DLGAP1: variants seen among roughly 807,000 people sequenced by gnomAD.
DLGAP1 encodes DLG associated protein 1.
DLGAP1 carries 11 observed loss-of-function variants against 90.8 expected under a neutral mutation model. The ratio of observed to expected loss-of-function variants is 0.12; its 90% CI spans 0.08 to 0.20. The LOEUF is 0.20. DLGAP1 is among the 10% of genes least tolerant of loss of function. The probability of loss-of-function intolerance (pLI) is 1.00; values close to 1 mark genes in which losing one functional copy is unlikely to be tolerated. For synonymous variants in DLGAP1, 558 were observed against 540.7 expected (o/e 1.03, Z -0.44); for missense variants, 1,050 against 1,333.8 (o/e 0.79, Z 3.31).
At chr18:3,733,420 G>A (rs2062518750) in intron 6 of DLGAP1, among the ~76,000 whole-genome samples, 1 of 152,272 alleles carries the variant, frequency 6.6e-6, no homozygotes, top group East Asian at 1.9e-4. Flanking sequence ...ATGTGGTATA[G>A]TATTCTCTCG....
intron 7 of DLGAP1, among the ~76,000 whole-genome samples, chr18:3,640,715 C>T (rs770814623): frequency 4.6e-5 from 7 of 152,212 alleles, no homozygotes; most frequent in African/African-American, 9.6e-5. Context: ...CGGAGCAACC[C>T]GGCAGTTTCC....
chr18:4,075,529 G>A (rs1449862674), intron 2 of DLGAP1, among the ~76,000 whole-genome samples: 2 of 152,132 alleles, frequency 1.3e-5, no homozygotes. Flanking sequence ...GGAAAAATGT[G>A]GTTGGGTCCC....
intron 5 of DLGAP1, among the ~76,000 whole-genome samples, chr18:3,794,860 C>T (rs760899594): frequency 8.5e-5 from 13 of 152,182 alleles, no homozygotes; most frequent in African/African-American, 2.7e-4. Context: ...AGAAAAAGTG[C>T]GTCACTGGTT....
Position 4,224,661 on chromosome 18 carries a change from G to A in DLGAP1, c.-266-73374C>T, listed in dbSNP as rs2078148115. On this transcript the variant is annotated intron_variant, in intron 1 of 12. Coordinates refer to ENST00000315677, the MANE Select transcript of DLGAP1 (RefSeq NM_004746.4). ...GTGGGAAGAACTGTCTTGTGTTTGG[G>A]TGCCAGCTCAGCCACAGTGGAATAG... 2.0e-5 allele frequency among the ~76,000 whole-genome samples: 3 copies of A among 152,112 alleles called. No homozygotes were observed. In the South Asian group the frequency reaches 6.2e-4, roughly 32 times the overall value.
At chr18:3,594,048 G>A (rs2056430816) in intron 7 of DLGAP1, 1 of 150,470 alleles carries the variant, frequency 6.6e-6, no homozygotes, top group Non-Finnish European at 1.5e-5. Flanking sequence ...TTGATGCCTG[G>A]AAATGATGTC....
At chr18:4,307,215 C>G (rs2080283679) in intron 1 of DLGAP1, among the ~76,000 whole-genome samples, 1 of 152,108 alleles carries the variant, frequency 6.6e-6, no homozygotes. Context: ...CCAACTTAAT[C>G]CAATAGAATT....
chr18:3,746,974 TTGCAGCTGCAC>T (rs1379127852), intron 5 of DLGAP1, among the ~76,000 whole-genome samples: 2 of 152,208 alleles, frequency 1.3e-5, no homozygotes, highest in Non-Finnish European at 2.9e-5. Flanking sequence ...CAACCACTTT[TTGCAGCTGCAC>T]TGAGGGAGAA....
chr18:4,438,957 A>G (rs2083464359), intron 1 of DLGAP1, among the ~76,000 whole-genome samples: 1 of 152,250 alleles, frequency 6.6e-6, no homozygotes. Context: ...GTTATATGCT[A>G]CAAAACACTG....
intron 3 of DLGAP1, among the ~76,000 whole-genome samples, chr18:3,901,030 C>A (rs73940254): frequency 0.028 from 4,249 of 152,048 alleles, 179 homozygotes; most frequent in African/African-American, 0.095. Context: ...AGGACCCTTG[C>A]GCAGCTTGAC....
At chr18:3,573,980 G>A (rs1284424837) in intron 8 of DLGAP1, among the ~76,000 whole-genome samples, 1 of 152,196 alleles carries the variant, frequency 6.6e-6, no homozygotes, top group East Asian at 1.9e-4. Flanking sequence ...GGGATTACAA[G>A]TGTGAGCCAC....
intron 7 of DLGAP1, among the ~76,000 whole-genome samples, chr18:3,657,769 AT>A (rs1378218336): frequency 6.6e-6 from 1 of 151,158 alleles, no homozygotes; most frequent in Non-Finnish European, 1.5e-5. Flanking sequence ...CACCCGGCTA[AT>A]TTTTTTTGTA....
Position 4,455,001 on chromosome 18 carries a change from G to C in DLGAP1, c.-267+5C>G, listed in dbSNP as rs1284631404. 6.6e-6 allele frequency: 1 copy of C among 151,288 alleles called. No individual in the cohort carries two copies. The highest frequency in any genetic ancestry group is 1.5e-5 in the Non-Finnish European group (1 of 67,790). 9.4% of individuals were successfully genotyped at this position (151,288 alleles called of 1,614,324 possible). A position where few individuals can be genotyped will look rare whatever the true frequency, so the allele number is the denominator to read the frequency against. The stretch of plus-strand genomic sequence containing the variant: ...CCCCAGCCCCGCGGCGCAGCCCGGC[G>C]TTACCTGGCCGCGTCCCGCAGTCCG... On this transcript the variant is annotated splice_donor_5th_base_variant and intron_variant, in intron 1 of 12. Transcript: ENST00000315677.
intron 7 of DLGAP1, among the ~76,000 whole-genome samples, chr18:3,601,614 G>A (rs1410196005): frequency 6.6e-6 from 1 of 151,966 alleles, no homozygotes. Flanking sequence ...AGGCCGAGGT[G>A]GGCCAATCGT....
intron 3 of DLGAP1, among the ~76,000 whole-genome samples, chr18:3,891,615 A>G (rs1004275176): frequency 2.0e-5 from 3 of 152,214 alleles, no homozygotes; most frequent in Admixed American, 6.5e-5. Context: ...CTCTGCCTCT[A>G]GGAATCATAA....
At chr18:3,848,926 G>A (rs1400873358) in intron 4 of DLGAP1, among the ~76,000 whole-genome samples, 3 of 152,164 alleles carry the variant, frequency 2.0e-5, no homozygotes, top group Non-Finnish European at 4.4e-5. Flanking sequence ...CCCAACACTA[G>A]CAAGGATATA....
intron 5 of DLGAP1, among the ~76,000 whole-genome samples, chr18:3,773,785 T>C (rs557108285): frequency 3.3e-5 from 5 of 152,342 alleles, no homozygotes; most frequent in African/African-American, 1.2e-4. Context: ...GAAAGACTGG[T>C]GCTACATTAA....
intron 3 of DLGAP1, among the ~76,000 whole-genome samples, chr18:3,907,516 G>C (rs1429048772): frequency 6.6e-6 from 1 of 152,170 alleles, no homozygotes; most frequent in Non-Finnish European, 1.5e-5. Flanking sequence ...GCCTGTAATA[G>C]AAACCTCCAG....
At chr18:4,085,636 C>T (rs2075671490) in intron 2 of DLGAP1, among the ~76,000 whole-genome samples, 1 of 152,196 alleles carries the variant, frequency 6.6e-6, no homozygotes, top group South Asian at 2.1e-4. Flanking sequence ...GTCTGTGTTC[C>T]TTTGATGCAG....
intron 4 of DLGAP1, among the ~76,000 whole-genome samples, chr18:3,814,583 A>AAT (rs533333747): frequency 1.2e-3 from 189 of 152,004 alleles, no homozygotes; most frequent in African/African-American, 4.3e-3. Flanking sequence ...GGATGGTCTT[A>AAT]ATCTCCTGAC....
Sources: gnomAD v4.1 joint callset for allele counts (sites outside exome capture counted in the v4.1 genomes callset) on GRCh38, gnomAD v4.1.1 for gene constraint, MANE v1.5 for transcripts, NCBI Gene and HGNC (gene_info 2026-07-23, HGNC 2026-07-21) for gene names.